The following STAB2 variants were observed in gnomAD, a reference collection of about 807,000 sequenced individuals.
STAB2 encodes stabilin 2.
STAB2 carries 288 observed loss-of-function variants against 338.1 expected under a neutral mutation model. That is an observed-to-expected ratio of 0.85 (90% confidence interval 0.77 to 0.94). The LOEUF is 0.94. Among genes scored for constraint, STAB2 ranks in the 40% least tolerant of loss-of-function variants. STAB2 has a pLI of 0.00. For missense variants in STAB2, 3,141 were observed against 3,210.1 expected (o/e 0.98, Z 0.52); for synonymous variants, 1,202 against 1,193.3 (o/e 1.01, Z -0.15).
chr12:103,688,922 G>A (rs1008909639), intron 28 of STAB2, among the ~76,000 whole-genome samples: 5 of 152,040 alleles, frequency 3.3e-5, no homozygotes, highest in East Asian at 1.9e-4. Flanking sequence ...CTCCACTTTC[G>A]GTACAGTCAT....
rs756451958 is a variant in STAB2, at chr12:103,637,062, G to A, written c.584-49G>A. On this transcript the variant is annotated intron_variant, in intron 6 of 68. Transcript: ENST00000388887. ...GAATACTGCAGTTTGGGGGTCTTAAGAACTGGTTATTCTACTAATGCAAGT... is the reference window on the plus strand; with the variant it reads ...GAATACTGCAGTTTGGGGGTCTTAAAAACTGGTTATTCTACTAATGCAAGT... The A allele has an allele frequency of 3.0e-5, 46 of 1,540,224 alleles. No homozygotes were observed. In the African/African-American group the frequency reaches 4.2e-4, roughly 14 times the overall value.
chr12:103,657,847 G>A (rs1284818769), intron 15 of STAB2: 5 of 152,106 alleles, frequency 3.3e-5, no homozygotes, highest in Admixed American at 6.5e-5. Flanking sequence ...CCATCTTAAC[G>A]GCTTTATCTT....
intron 23 of STAB2, among the ~76,000 whole-genome samples, chr12:103,674,649 T>C (rs1179551461): frequency 1.3e-5 from 2 of 152,200 alleles, no homozygotes; most frequent in Non-Finnish European, 2.9e-5. Context: ...CTGTCTAGCA[T>C]TCTGCAGTGG....
intron 9 of STAB2, among the ~76,000 whole-genome samples, chr12:103,640,636 G>A (rs762104865): frequency 2.2e-4 from 34 of 152,180 alleles, no homozygotes; most frequent in South Asian, 2.1e-4. Flanking sequence ...TGTTAGAGGT[G>A]CAAAACAAGA....
chr12:103,753,186 C>A (rs35756765), intron 60 of STAB2, 34 bp from the exon 61 acceptor site: 356,534 of 1,608,738 alleles, frequency 0.22, 41,917 homozygotes, highest in Non-Finnish European at 0.24. Context: ...ACCTGGTGGG[C>A]TGACCTGGGC....
intron 38 of STAB2, 110 bp downstream of exon 38, chr12:103,707,097 G>A (rs535627873): frequency 4.0e-6 from 5 of 1,245,366 alleles, no homozygotes; most frequent in Non-Finnish European, 5.5e-6. Flanking sequence ...CGCCCCAAGT[G>A]GGCTGGAATC....
chr12:103,742,461 T>TA lies in STAB2; in HGVS notation c.5939dup (p.Tyr1980Ter). The TA allele has an allele frequency of 6.2e-7, 1 of 1,614,124 alleles. No individual in the cohort carries two copies. Among genetic ancestry groups the TA allele is most frequent in the Non-Finnish European group, 8.5e-7 (1 of 1,180,016 alleles). Residue 1980 changes from tyrosine (Y) to a stop codon, truncating the protein, a stop_gained and frameshift_variant, in exon 56 of 69, where the codon TAC (tyrosine) becomes TAAC (stop). Transcript: ENST00000388887. LOFTEE classifies it high-confidence loss of function. ...CNNRGVCLDQ[Y>*]SATGECKCNT... ...TAACCGGGGTGTCTGCCTTGATCAG[T>TA]ACTCGGCCACCGGAGAGTGTAAATG...
intron 9 of STAB2, among the ~76,000 whole-genome samples, chr12:103,643,722 A>G (rs930867200): frequency 6.6e-6 from 1 of 151,926 alleles, no homozygotes; most frequent in Non-Finnish European, 1.5e-5. Flanking sequence ...CCTACCTTAT[A>G]GGGTTGTTGC....
At chr12:103,646,710 G>A (rs1359296933) in intron 9 of STAB2, among the ~76,000 whole-genome samples, 1 of 152,132 alleles carries the variant, frequency 6.6e-6, no homozygotes, top group Admixed American at 6.5e-5. Flanking sequence ...GAATTAAGAA[G>A]GTACTTAAAT....
At chr12:103,649,653 A>G (rs1158106822) in intron 10 of STAB2, among the ~76,000 whole-genome samples, 1 of 152,188 alleles carries the variant, frequency 6.6e-6, no homozygotes, top group Non-Finnish European at 1.5e-5. Flanking sequence ...TGTTCTCTGC[A>G]TAAATCTTAA....
intron 2 of STAB2, among the ~76,000 whole-genome samples, chr12:103,591,659 T>C (rs1393764894): frequency 6.6e-6 from 1 of 152,176 alleles, no homozygotes; most frequent in Non-Finnish European, 1.5e-5. Flanking sequence ...GTGATAGTCA[T>C]CTCTTCAGCT....
intron 25 of STAB2, among the ~76,000 whole-genome samples, chr12:103,682,352 C>T (rs894110939): frequency 1.3e-5 from 2 of 152,174 alleles, no homozygotes; most frequent in Non-Finnish European, 2.9e-5. Flanking sequence ...AGACTGCCCT[C>T]CTGTCTAGGA....
intron 25 of STAB2, among the ~76,000 whole-genome samples, chr12:103,678,243 A>G (rs1350631681): frequency 2.0e-5 from 3 of 152,192 alleles, no homozygotes; most frequent in African/African-American, 4.8e-5. Flanking sequence ...TCTCACTTTT[A>G]TGTTTTAGGC....
intron 3 of STAB2, among the ~76,000 whole-genome samples, chr12:103,615,267 G>A (rs1265006985): frequency 1.3e-5 from 2 of 151,146 alleles, no homozygotes; most frequent in African/African-American, 4.9e-5. Context: ...GGAAACAGGT[G>A]TGATGAAAAA....
intron 65 of STAB2, among the ~76,000 whole-genome samples, chr12:103,760,130 C>T (rs572034800): frequency 2.6e-5 from 4 of 152,296 alleles, no homozygotes; most frequent in African/African-American, 7.2e-5. Flanking sequence ...ACAGAAGGGG[C>T]ACTTTCTCAT....
intron 42 of STAB2, among the ~76,000 whole-genome samples, chr12:103,714,769 CTG>C (rs1458426760): frequency 6.6e-6 from 1 of 151,730 alleles, no homozygotes; most frequent in Non-Finnish European, 1.5e-5. Context: ...TGAGAGTAAT[CTG>C]TGTATATTGT....
chr12:103,755,199 C>A, intron 61 of STAB2, 103 bp from the exon 62 acceptor site: 1 of 1,501,118 alleles, frequency 6.7e-7, no homozygotes, highest in Non-Finnish European at 9.0e-7. Context: ...CAAAGTGAGA[C>A]TTTATGGGTT....
chr12:103,676,249 G>A (rs139381805), intron 24 of STAB2, among the ~76,000 whole-genome samples: 2,545 of 151,942 alleles, frequency 0.017, 69 homozygotes, highest in African/African-American at 0.056. Context: ...TTAGTAGACA[G>A]GGTTTCACCA....
In STAB2 at chr12:103,651,981, C is replaced by T. The variant is rs372069294; in HGVS notation, c.1258-575C>T. ...GGAAAGAACCAGCAAACATTGTATG[C>T]CTCTAGGCTAGGCACTTTGCACGTG... On this transcript the variant is annotated intron_variant, in intron 11 of 68. Coordinates refer to ENST00000388887, the MANE Select transcript of STAB2 (RefSeq NM_017564.10). Among the ~76,000 whole-genome samples, 39 of 152,296 alleles carry T rather than the reference C, an allele frequency of 2.6e-4. No individual in the cohort carries two copies. The South Asian group carries it at 8.1e-3, about 32-fold the overall frequency.
Sources: allele counts gnomAD v4.1 joint callset (sites outside exome capture counted in the v4.1 genomes callset), GRCh38; gene constraint gnomAD v4.1.1; transcripts MANE v1.5; gene names NCBI Gene and HGNC (gene_info 2026-07-23, HGNC 2026-07-21).